The following FAM167A variants were observed in gnomAD, a reference collection of about 807,000 sequenced individuals.
FAM167A encodes the protein family with sequence similarity 167 member A.
FAM167A carries 23 observed loss-of-function variants against 14.9 expected under a neutral mutation model. The observed-to-expected ratio is 1.55, with a 90% confidence interval of 1.11 to 2.19. The LOEUF (loss-of-function observed/expected upper bound fraction) is 2.19. FAM167A is among the 30% of genes most tolerant of loss of function. The pLI is 0.00. For missense variants in FAM167A, 401 were observed against 281.5 expected, an observed-to-expected ratio of 1.42 and a Z score of -3.04; for synonymous variants, 174 against 117.7, an observed-to-expected ratio of 1.48 and a Z score of -3.10.
chr8:11,438,209 C>T (rs752415156), intron 2 of FAM167A: 32 of 446,138 alleles, frequency 7.2e-5, no homozygotes, highest in Middle Eastern at 3.5e-4. Context: ...GCTGCTATTC[C>T]GGTGAGGTGC....
intron 2 of FAM167A, among the ~76,000 whole-genome samples, chr8:11,428,060 C>T (rs1418665403): frequency 6.6e-6 from 1 of 152,186 alleles, no homozygotes; most frequent in Non-Finnish European, 1.5e-5. Flanking sequence ...TGTCACTTCT[C>T]TTTGGAGTGT....
chr8:11,463,421 T>C (rs1585282203), intron 1 of FAM167A, among the ~76,000 whole-genome samples: 1 of 152,162 alleles, frequency 6.6e-6, no homozygotes, highest in East Asian at 1.9e-4. Context: ...CCTTCCTGGG[T>C]GGCCACCACC....
At chr8:11,450,234 T>A (rs1250588109) in intron 1 of FAM167A, among the ~76,000 whole-genome samples, 1 of 152,204 alleles carries the variant, frequency 6.6e-6, no homozygotes, top group East Asian at 1.9e-4. Context: ...TTTTGCTTGA[T>A]TTGCCCAGGC....
chr8:11,434,837 C>A, intron 2 of FAM167A: 2 of 351,506 alleles, frequency 5.7e-6, no homozygotes, highest in South Asian at 2.2e-5. Flanking sequence ...CAGATTGCAT[C>A]TTGGAACTGA....
chr8:11,445,610 CTCCCCA>C, intron 1 of FAM167A: 3 of 985,456 alleles, frequency 3.0e-6, no homozygotes, highest in Non-Finnish European at 3.6e-6. Context: ...CTGATGTGGC[CTCCCCA>C]TCTCCAGAGA....
At chr8:11,466,247 A>C (rs1384638294) in intron 1 of FAM167A, among the ~76,000 whole-genome samples, 9 of 152,218 alleles carry the variant, frequency 5.9e-5, no homozygotes, top group Admixed American at 5.2e-4. Context: ...CACAGGAGCC[A>C]GGCTGGGCTT....
Position 11,444,231 on chromosome 8 carries a change from G to A in FAM167A, c.181C>T (p.Pro61Ser), listed in dbSNP as rs774822079. ...GCCTGTGGCTCCGCAGCCGGCCTCGGGAAGGGCCAGGTATGCTCCTCCAGC... is the reference window on the plus strand; with the variant it reads ...GCCTGTGGCTCCGCAGCCGGCCTCGAGAAGGGCCAGGTATGCTCCTCCAGC... Reference protein sequence around the residue: ...ARLEEHTWPFPRPAAEPQASL... With the variant: ...ARLEEHTWPFSRPAAEPQASL... The change falls in exon 2 of 3, where the codon CCG (proline) becomes TCG (serine). Residue 61 changes from proline to serine, a missense_variant. Pro to Ser is a moderately conservative substitution (Grantham distance 74, BLOSUM62 -1). Transcript: ENST00000284486. 1 of 1,612,092 alleles carries A rather than the reference G, an allele frequency of 6.2e-7. No homozygotes were observed. Among genetic ancestry groups the A allele is most frequent in the Non-Finnish European group, 8.5e-7 (1 of 1,179,792 alleles).
At chr8:11,449,792 G>A (rs1806950742) in intron 1 of FAM167A, among the ~76,000 whole-genome samples, 1 of 152,220 alleles carries the variant, frequency 6.6e-6, no homozygotes, top group Non-Finnish European at 1.5e-5. Flanking sequence ...CAGGCCCACA[G>A]CGGCTCCTTG....
chr8:11,459,745 G>A (rs1807464494), intron 1 of FAM167A, among the ~76,000 whole-genome samples: 1 of 152,142 alleles, frequency 6.6e-6, no homozygotes, highest in Non-Finnish European at 1.5e-5. Flanking sequence ...ACAGAGTTTT[G>A]CTCTTCTCAC....
At chr8:11,471,440 G>C (rs575033701), upstream of FAM167A, among the ~76,000 whole-genome samples, 1 of 152,246 alleles carries the variant, frequency 6.6e-6, no homozygotes, top group African/African-American at 2.4e-5. Context: ...GGCTCAAGGT[G>C]ATGAGGCCCC....
intron 2 of FAM167A, among the ~76,000 whole-genome samples, chr8:11,434,361 G>A (rs61069759): frequency 0.035 from 5,367 of 152,198 alleles, 203 homozygotes; most frequent in African/African-American, 0.093. Flanking sequence ...ATGGGAGGGG[G>A]GCAGGTGCAA....
intron 1 of FAM167A, among the ~76,000 whole-genome samples, chr8:11,455,472 T>A (rs1409402778): frequency 7.8e-6 from 1 of 128,312 alleles, no homozygotes; most frequent in Non-Finnish European, 1.6e-5. Flanking sequence ...TATGTGTGAG[T>A]GTGGGGAGTG....
At chr8:11,443,158 G>A (rs1417303526) in intron 2 of FAM167A, among the ~76,000 whole-genome samples, 1 of 152,190 alleles carries the variant, frequency 6.6e-6, no homozygotes. Flanking sequence ...GAGAGCTGGG[G>A]TAGGGTTAGC....
At chr8:11,457,461 C>T (rs1272164654) in intron 1 of FAM167A, among the ~76,000 whole-genome samples, 2 of 151,962 alleles carry the variant, frequency 1.3e-5, no homozygotes, top group East Asian at 3.9e-4. Flanking sequence ...TGGAGCCCAG[C>T]GCTCGCCTTC....
chr8:11,425,213 T>C (rs567328087), intron 2 of FAM167A, among the ~76,000 whole-genome samples: 1 of 152,170 alleles, frequency 6.6e-6, no homozygotes, highest in Non-Finnish European at 1.5e-5. Flanking sequence ...TATGAAACAG[T>C]TCTAAGGCCT....
intron 1 of FAM167A, among the ~76,000 whole-genome samples, chr8:11,459,090 C>A (rs767283416): frequency 6.6e-6 from 1 of 152,236 alleles, no homozygotes; most frequent in Non-Finnish European, 1.5e-5. Context: ...ACCCATTTCT[C>A]TATTTCTCAT....
At chr8:11,465,130 A>AC (rs1198752136) in intron 1 of FAM167A, among the ~76,000 whole-genome samples, 6 of 152,160 alleles carry the variant, frequency 3.9e-5, no homozygotes, top group Non-Finnish European at 8.8e-5. Flanking sequence ...ACAGCCTTGC[A>AC]AGCTCCTAAT....
Position 11,474,495 on chromosome 8 carries a change from G to C in FAM167A, c.-398+1371C>G, listed in dbSNP as rs1797808713. On this transcript the variant is annotated intron_variant, in intron 1 of 1. Transcript: ENST00000648766. Reference sequence around the variant, plus strand: ...GCAGCAAGCCACTCCAACCTGGTCAGCTGCCAGGCTATGGTTCACATCTTA... The same window carrying C: ...GCAGCAAGCCACTCCAACCTGGTCACCTGCCAGGCTATGGTTCACATCTTA... 3 of 152,162 alleles carry C rather than the reference G, an allele frequency of 2.0e-5. No homozygotes were observed. In the South Asian group the frequency reaches 6.2e-4, roughly 32 times the overall value. The allele number at this position is 152,162 out of a possible 1,614,324, so 9.4% of individuals were successfully genotyped here.
At chr8:11,470,668 C>G (rs1311224632), upstream of FAM167A, among the ~76,000 whole-genome samples, 1 of 152,096 alleles carries the variant, frequency 6.6e-6, no homozygotes, top group Non-Finnish European at 1.5e-5. Flanking sequence ...TCTAGGGATA[C>G]AAGAGAAGGA....
Sources: gnomAD v4.1 joint callset for allele counts (sites outside exome capture counted in the v4.1 genomes callset) on GRCh38, gnomAD v4.1.1 for gene constraint, MANE v1.5 for transcripts, NCBI Gene and HGNC (gene_info 2026-07-23, HGNC 2026-07-21) for gene names.